PLEKHA6: variants seen among roughly 807,000 people sequenced by gnomAD.
The protein encoded by PLEKHA6 is pleckstrin homology domain containing A6, also known as pleckstrin homology domain-containing family A member 6.
In PLEKHA6, 60 loss-of-function variants were observed where a neutral mutation model predicts 116.7. That is an observed-to-expected ratio of 0.51 (90% CI 0.42 to 0.64). The LOEUF (loss-of-function observed/expected upper bound fraction) is 0.64. PLEKHA6 is among the 30% of genes least tolerant of loss of function. The pLI, the probability that PLEKHA6 is intolerant of heterozygous loss-of-function variation, is 0.00. For missense variants in PLEKHA6, 1,338 were observed against 1,422.7 expected, an observed-to-expected ratio of 0.94 and a Z score of 0.96; for synonymous variants, 489 against 556.1, an observed-to-expected ratio of 0.88 and a Z score of 1.70.
chr1:204,233,511 T>C (rs1661515633), intron 17 of PLEKHA6, among the ~76,000 whole-genome samples: 1 of 152,070 alleles, frequency 6.6e-6, no homozygotes, highest in Non-Finnish European at 1.5e-5. Flanking sequence ...CAGCTAACTT[T>C]TGTGCTTTTT....
At chr1:204,336,226 C>T (rs1672643165) in intron 1 of PLEKHA6, among the ~76,000 whole-genome samples, 2 of 152,180 alleles carry the variant, frequency 1.3e-5, no homozygotes. Context: ...CCCACCTGCA[C>T]CAAGTCATCC....
At chr1:204,251,556 G>A (rs1197383420) in intron 9 of PLEKHA6, 1 of 702,946 alleles carries the variant, frequency 1.4e-6, no homozygotes. Flanking sequence ...GGACCTGGGG[G>A]AGGAGTTTTC....
chr1:204,264,378 C>A (rs1666522675), intron 6 of PLEKHA6, among the ~76,000 whole-genome samples: 1 of 152,148 alleles, frequency 6.6e-6, no homozygotes, highest in Non-Finnish European at 1.5e-5. Context: ...TGTTCCTGTG[C>A]ACTTGTTCTC....
rs1665787192 is a variant in PLEKHA6 at position 204,259,282 on chromosome 1, A to C, written c.983T>G (p.Val328Gly). The C allele has an allele frequency of 1.2e-6, 2 of 1,613,698 alleles. No homozygotes were observed. Residue 328 changes from valine (V) to glycine (G), a missense_variant, in exon 8 of 23, where the codon GTA (valine) becomes GGA (glycine). Val to Gly is a moderately radical substitution (Grantham distance 109). Coordinates refer to ENST00000272203, the MANE Select transcript of PLEKHA6 (RefSeq NM_014935.5). This position sits in a 1 kb window ranked among gnomAD's most constrained non-coding sequence, Gnocchi z 4.6. ...LQQWVNLRRGVPPPEDLRSPS... is the reference protein window; with the variant it reads ...LQQWVNLRRGGPPPEDLRSPS... Reference sequence around the variant, plus strand: ...CCTCCGAAGGTCTTCAGGCGGGGGTACCCCCCGGCGCAGATTCACCCACTG... The same window carrying C: ...CCTCCGAAGGTCTTCAGGCGGGGGTCCCCCCCGGCGCAGATTCACCCACTG...
chr1:204,285,046 T>C (rs1485050701), intron 1 of PLEKHA6, among the ~76,000 whole-genome samples: 1 of 152,196 alleles, frequency 6.6e-6, no homozygotes, highest in Non-Finnish European at 1.5e-5. Context: ...AAAATTAAAA[T>C]TTCAGTTCCT....
chr1:204,312,841 ATTTTCTTTTCTTTTCTTTTC>A (rs138741377), intron 1 of PLEKHA6, among the ~76,000 whole-genome samples: 7,713 of 140,574 alleles, frequency 0.055, 338 homozygotes, highest in African/African-American at 0.13. Flanking sequence ...CCCTTAGCCC[ATTTTCTTTTCTTTTCTTTTC>A]TTTTCTTTTC....
intron 13 of PLEKHA6, among the ~76,000 whole-genome samples, chr1:204,246,633 G>C (rs897730978): frequency 1.3e-5 from 2 of 152,168 alleles, no homozygotes; most frequent in African/African-American, 4.8e-5. Context: ...ACTAGCTAGA[G>C]AAGAGGCAGG....
chr1:204,235,648 TG>T, intron 17 of PLEKHA6, among the ~76,000 whole-genome samples: 1 of 152,254 alleles, frequency 6.6e-6, no homozygotes, highest in East Asian at 1.9e-4. Context: ...TGGAAAAGAA[TG>T]GGACTCTGAA....
In PLEKHA6 at chr1:204,230,450, G is replaced by A. The variant is rs765099358; in HGVS notation, c.2546C>T (p.Pro849Leu). The A allele has an allele frequency of 1.6e-5, 25 of 1,582,858 alleles. No homozygotes were observed. Among genetic ancestry groups the A allele is most frequent in the East Asian group, 4.6e-5 (2 of 43,856 alleles). ...TGGCCGGGGACTGGGGTCGGGGGCC[G>A]GGCTGGCCGGGAGCTGCAGGCTCCT... ...KRRSLQLPASPAPDPSPRPAY... is the reference protein window; with the variant it reads ...KRRSLQLPASLAPDPSPRPAY... The change falls in exon 18 of 23, where the codon CCG becomes CTG. Residue 849 changes from proline (P) to leucine (L), a missense_variant. Physicochemically the swap from Pro to Leu is moderately conservative, Grantham distance 98. Around this residue, in one of 3 missense-constraint regions of PLEKHA6, gnomAD observed 1,136 missense variants for 1,163.6 expected, o/e 0.98. Transcript: ENST00000272203.
rs140135734 is a variant in PLEKHA6, at chr1:204,330,772, G to A, written c.-95+28922C>T. Among the ~76,000 whole-genome samples the A allele has an allele frequency of 5.2e-3, 789 of 152,236 alleles. 2 individuals are homozygous for A. Among genetic ancestry groups the A allele is most frequent in the African/African-American group, 0.018 (741 of 41,526 alleles). ...AAGGCCCCACCATGAGGTTGTGGAG[G>A]AGCTTCATTCTGTCTTTCGATGTGA... On this transcript the variant is annotated intron_variant, in intron 1 of 22. Transcript: ENST00000272203.
intron 1 of PLEKHA6, among the ~76,000 whole-genome samples, chr1:204,303,365 A>G (rs1670999351): frequency 6.6e-6 from 1 of 152,234 alleles, no homozygotes. Flanking sequence ...CTCTTATTTC[A>G]GGACATGAAA....
chr1:204,351,157 G>C (rs572346128), intron 1 of PLEKHA6, among the ~76,000 whole-genome samples: 147 of 152,360 alleles, frequency 9.6e-4, no homozygotes, highest in African/African-American at 3.0e-3. Flanking sequence ...CGAGCAGCTG[G>C]GATGCTGCTG....
chr1:204,287,532 GTCT>G (rs1479873220), intron 1 of PLEKHA6, among the ~76,000 whole-genome samples: 1 of 152,144 alleles, frequency 6.6e-6, no homozygotes, highest in Non-Finnish European at 1.5e-5. Context: ...TGACAACCTT[GTCT>G]TCTTAATGAG....
chr1:204,296,493 T>C (rs1045059108), intron 1 of PLEKHA6, among the ~76,000 whole-genome samples: 4 of 152,092 alleles, frequency 2.6e-5, no homozygotes, highest in African/African-American at 4.8e-5. Context: ...CCCTCCCCAC[T>C]CCCCTACTCG....
chr1:204,261,183 C>A lies in PLEKHA6; in HGVS notation c.524+123G>T. The stretch of plus-strand genomic sequence containing the variant: ...CTCCCGCCTGGATGCAAGGAGACGG[C>A]TCACACATTCTCCAGGGCTTCAAGT... On this transcript the variant is annotated intron_variant, in intron 7 of 22. Transcript: ENST00000272203. This position sits in a 1 kb window ranked among gnomAD's most constrained non-coding sequence, Gnocchi z 4.0. 8.4e-7 allele frequency: 1 copy of A among 1,191,114 alleles called. No homozygotes were observed. Among genetic ancestry groups the A allele is most frequent in the Admixed American group, 1.8e-5 (1 of 56,138 alleles). 73.8% of individuals were successfully genotyped at this position (1,191,114 alleles called of 1,614,324 possible).
At chr1:204,370,471 G>A (rs528347381) in intron 2 of PLEKHA6, among the ~76,000 whole-genome samples, 9 of 152,380 alleles carry the variant, frequency 5.9e-5, no homozygotes, top group East Asian at 5.8e-4. Flanking sequence ...TTACTGGCCC[G>A]TGGTGGCGTC....
At chr1:204,282,931 C>A in intron 1 of PLEKHA6, 1 of 323,754 alleles carries the variant, frequency 3.1e-6, no homozygotes, top group Non-Finnish European at 4.4e-6. Flanking sequence ...CCCTCGCCTC[C>A]AAGTTGCCTT....
intron 1 of PLEKHA6, among the ~76,000 whole-genome samples, chr1:204,371,888 G>A (rs1673785175): frequency 1.3e-5 from 2 of 152,206 alleles, no homozygotes. Flanking sequence ...GATAGGCACT[G>A]TAATCCCTAT....
Position 204,338,980 on chromosome 1 carries a change from T to C in PLEKHA6, c.-95+20714A>G, listed in dbSNP as rs143863304. Among the ~76,000 whole-genome samples, 611 of 152,238 alleles carry C rather than the reference T, an allele frequency of 4.0e-3. 2 individuals carry two copies. The highest frequency in any genetic ancestry group is 7.1e-3 in the Non-Finnish European group (482 of 68,000). On this transcript the variant is annotated intron_variant, in intron 1 of 22. Transcript: ENST00000272203. The stretch of plus-strand genomic sequence containing the variant: ...ACCCCGTGCATCCGGGCAGGCTCAG[T>C]TGGACCAGCAGCATGTAACGGACAT...
Sources: allele counts gnomAD v4.1 joint callset (sites outside exome capture counted in the v4.1 genomes callset), GRCh38; gene constraint gnomAD v4.1.1; regional missense constraint gnomAD v4.1.1; non-coding constraint Gnocchi (gnomAD v3.1); transcripts MANE v1.5; gene names NCBI Gene and HGNC (gene_info 2026-07-23, HGNC 2026-07-21).